Variants in MESD observed in about 807,000 individuals in gnomAD.
MESD encodes LRP chaperone MESD.
A neutral mutation model predicts 12.9 loss-of-function variants in MESD; 7 were observed. The observed-to-expected ratio is 0.54, with a 90% CI of 0.31 to 1.02. The LOEUF is 1.02. Ranked by LOEUF, MESD falls within the 50% of genes least tolerant of loss-of-function variation. The pLI, the probability that MESD is intolerant of heterozygous loss-of-function variation, is 0.05. For synonymous variants in MESD, 126 were observed against 115.6 expected, an observed-to-expected ratio of 1.09 and a Z score of -0.58; for missense variants, 342 against 296.7, an observed-to-expected ratio of 1.15 and a Z score of -1.12.
intron 3 of MESD, among the ~76,000 whole-genome samples, chr15:80,962,685 C>G (rs1902108810): frequency 6.6e-6 from 1 of 152,206 alleles, no homozygotes; most frequent in African/African-American, 2.4e-5. Context: ...AAGAAACTCA[C>G]TCAAAACCGC....
chr15:80,947,360 T>C (rs1025812337), exon 5 of MESD: 1 of 400,788 alleles, frequency 2.5e-6, no homozygotes, highest in Admixed American at 3.7e-5. Flanking sequence ...TCAACAAAAG[T>C]ATCATAAGAA....
At chr15:80,949,018 C>A in intron 4 of MESD, 1 of 1,526,142 alleles carries the variant, frequency 6.6e-7, no homozygotes, top group Non-Finnish European at 9.1e-7. Context: ...CCAGCCCCTG[C>A]CAGCAGCTGC....
At chr15:80,955,820 C>T (rs1901970374) in intron 3 of MESD, among the ~76,000 whole-genome samples, 1 of 151,892 alleles carries the variant, frequency 6.6e-6, no homozygotes, top group Admixed American at 6.6e-5. Context: ...CGGGTTTTCG[C>T]CATGTTGGCC....
At position 80,989,757 on chromosome 15, in the gene MESD, A is replaced by C. The variant is rs1893249958; in HGVS notation, c.35T>G (p.Val12Gly). The C allele has an allele frequency of 1.3e-6, 2 of 1,599,488 alleles. No homozygotes were observed. Among genetic ancestry groups the C allele is most frequent in the Admixed American group, 1.7e-5 (1 of 59,494 alleles). Reference protein sequence around the residue: ...AASRWARKAVVLLCASDLLLL... With the variant: ...AASRWARKAVGLLCASDLLLL... The stretch of plus-strand genomic sequence containing the variant: ...CAGCAGGTCAGAGGCACAAAGCAGG[A>C]CCACGGCCTTGCGCGCCCACCTGGA... Residue 12 changes from valine to glycine, a missense_variant, in exon 1 of 3, where the codon GTC becomes GGC. By Grantham distance (109) the Val-to-Gly change is moderately radical (BLOSUM62 -3). Coordinates refer to ENST00000261758, the MANE Select transcript of MESD (RefSeq NM_015154.3).
At chr15:80,983,894 C>CTTTTTTTTTTTTTT (rs10570822) in intron 1 of MESD, among the ~76,000 whole-genome samples, 2 of 88,466 alleles carry the variant, frequency 2.3e-5, no homozygotes, top group African/African-American at 4.1e-5. Flanking sequence ...AAAACAGTAA[C>CTTTTTTTTTTTTTT]TTTTTTTTTT....
rs975673993 is a variant in MESD at position 80,977,491 on chromosome 15, G to C, written c.*1728C>G. Reference sequence around the variant, plus strand: ...GACAGATCTGCACATTCTGACATGGGAAGGCTCCTAAGTGGAAACAGAAGG... The same window carrying C: ...GACAGATCTGCACATTCTGACATGGCAAGGCTCCTAAGTGGAAACAGAAGG... On this transcript the variant is annotated 3_prime_UTR_variant, in exon 3 of 3. Transcript: ENST00000261758. The C allele has an allele frequency of 3.3e-5, 5 of 152,306 alleles. No homozygotes were observed. Among genetic ancestry groups the C allele is most frequent in the African/African-American group, 1.2e-4 (5 of 41,452 alleles). The allele number at this position is 152,306 out of a possible 1,614,324, so 9.4% of individuals were successfully genotyped here.
At position 80,948,165 on chromosome 15, in the gene MESD, G is replaced by T. The variant is rs141548192; in HGVS notation, c.*1360C>A. 1.3e-3 allele frequency: 212 copies of T among 158,432 alleles called. 1 individual carries two copies. Among genetic ancestry groups the T allele is most frequent in the African/African-American group, 4.6e-3 (193 of 41,642 alleles). The allele number at this position is 158,432 out of a possible 1,614,324, so 9.8% of individuals were successfully genotyped here. A position where few individuals can be genotyped will look rare whatever the true frequency, so the allele number is the denominator to read the frequency against. Reference sequence around the variant, plus strand: ...TAAGTTGAATGGCACTTTCCCGGTGGTGATAAATGCATGTTGCCTGCCAAG... The same window carrying T: ...TAAGTTGAATGGCACTTTCCCGGTGTTGATAAATGCATGTTGCCTGCCAAG... On this transcript the variant is annotated 3_prime_UTR_variant, in exon 5 of 5. Coordinates refer to the MESD transcript ENST00000561312.
chr15:80,986,606 G>A (rs1902739892), intron 1 of MESD, among the ~76,000 whole-genome samples: 1 of 152,158 alleles, frequency 6.6e-6, no homozygotes, highest in Non-Finnish European at 1.5e-5. Flanking sequence ...TCTACCCTTA[G>A]TCTGGGTAAC....
At chr15:80,962,853 T>G (rs755609572) in intron 3 of MESD, among the ~76,000 whole-genome samples, 8 of 152,188 alleles carry the variant, frequency 5.3e-5, no homozygotes, top group Non-Finnish European at 1.0e-4. Context: ...AGAGGGAAAT[T>G]GATACCACTA....
downstream of MESD, chr15:80,946,927 C>T: frequency 7.0e-7 from 1 of 1,424,806 alleles, no homozygotes; most frequent in Non-Finnish European, 9.9e-7. Context: ...CTCCAGTTTG[C>T]TCTCTCCCTC....
chr15:80,970,323 C>T (rs1290958694), intron 3 of MESD: 4 of 152,176 alleles, frequency 2.6e-5, no homozygotes, highest in African/African-American at 9.7e-5. Context: ...AGTCAAATCA[C>T]TTTCCCAAGC....
downstream of MESD, chr15:80,947,016 G>A: frequency 1.9e-6 from 3 of 1,614,178 alleles, no homozygotes; most frequent in Non-Finnish European, 2.5e-6. Flanking sequence ...GAGGCCCATG[G>A]ACCAGAGTGC....
chr15:80,983,655 A>G (rs930395165), intron 1 of MESD, among the ~76,000 whole-genome samples: 10 of 152,172 alleles, frequency 6.6e-5, no homozygotes, highest in African/African-American at 2.4e-4. Flanking sequence ...GCTTATAGCA[A>G]GAGAGACAGA....
rs768469728 is a variant in MESD at position 80,979,203 on chromosome 15, C to T, written c.*16G>A. On this transcript the variant is annotated 3_prime_UTR_variant, in exon 3 of 3. Coordinates refer to ENST00000261758, the MANE Select transcript of MESD (RefSeq NM_015154.3). ...CACGTCCACCTGTCCCCCCACAGCG[C>T]GTCACTGCTGCCCCATCACAGGTCT... The T allele has an allele frequency of 1.2e-5, 19 of 1,608,570 alleles. No homozygotes were observed. The highest frequency in any genetic ancestry group is 3.4e-5 in the Admixed American group (2 of 59,544).
At chr15:80,954,919 A>T (rs900734741) in intron 3 of MESD, among the ~76,000 whole-genome samples, 1 of 152,180 alleles carries the variant, frequency 6.6e-6, no homozygotes, top group South Asian at 2.1e-4. Context: ...TCTCCTTCCA[A>T]TGTGGCCCAG....
In MESD at chr15:80,976,484, T is replaced by A. The variant is rs1902420454; in HGVS notation, c.*2735A>T. The A allele has an allele frequency of 6.6e-6, 1 of 152,478 alleles. No homozygotes were observed. Among genetic ancestry groups the A allele is most frequent in the Non-Finnish European group, 1.5e-5 (1 of 68,252 alleles). 9.4% of individuals were successfully genotyped at this position (152,478 alleles called of 1,614,324 possible). ...TTGGAGCAGGTGGGCCTCCTGGGTA[T>A]CCCTCTCTCTACGTGAAACACTGTA... On this transcript the variant is annotated 3_prime_UTR_variant, in exon 3 of 3. Coordinates refer to ENST00000261758, the MANE Select transcript of MESD (RefSeq NM_015154.3).
At position 80,979,368 on chromosome 15, in the gene MESD, C is replaced by A. The variant is rs1358762917; in HGVS notation, c.556G>T (p.Glu186Ter). 11 of 1,614,054 alleles carry A rather than the reference C, an allele frequency of 6.8e-6. No individual in the cohort carries two copies. Among genetic ancestry groups the A allele is most frequent in the Non-Finnish European group, 9.3e-6 (11 of 1,180,046 alleles). The change falls in exon 3 of 3, where the codon GAG becomes TAG. Residue 186 changes from glutamate to a stop codon, truncating the protein, a stop_gained. Transcript: ENST00000261758. LOFTEE classifies it low-confidence loss of function (END_TRUNC). The stretch of plus-strand genomic sequence containing the variant: ...CCTTTGCCGGGGTACACCTGGCCCT[C>A]CAGAGTTACATCAGCACACCTGTCT... The part of the protein sequence containing the change: ...GQDRCADVTL[E>*]GQVYPGKGGG...
At chr15:80,947,026 C>T (rs1901585901), downstream of MESD, 1 of 1,613,994 alleles carries the variant, frequency 6.2e-7, no homozygotes, top group Non-Finnish European at 8.5e-7. Context: ...GACCAGAGTG[C>T]TGGAAAAGCT....
chr15:80,963,544 C>T (rs1010403338), intron 3 of MESD, among the ~76,000 whole-genome samples: 1 of 152,164 alleles, frequency 6.6e-6, no homozygotes, highest in African/African-American at 2.4e-5. Flanking sequence ...AATTTTAGGC[C>T]AGTATCCCTG....
Sources: gnomAD v4.1 joint callset for allele counts (sites outside exome capture counted in the v4.1 genomes callset) on GRCh38, gnomAD v4.1.1 for gene constraint, MANE v1.5 for transcripts, NCBI Gene and HGNC (gene_info 2026-07-23, HGNC 2026-07-21) for gene names.